The following DGKI variants were observed in gnomAD, a reference collection of about 807,000 sequenced individuals.
The protein encoded by DGKI is diacylglycerol kinase iota, also known as DAG kinase iota.
DGKI carries 55 observed loss-of-function variants against 147.5 expected under a neutral mutation model. The ratio of observed to expected loss-of-function variants is 0.37; its 90% CI spans 0.30 to 0.47. The LOEUF is 0.47. DGKI is among the 20% of genes least tolerant of loss of function. The probability of loss-of-function intolerance (pLI) is 1.00; values close to 1 mark genes in which losing one functional copy is unlikely to be tolerated. For missense variants in DGKI, 1,007 were observed against 1,323.8 expected (o/e 0.76, Z 3.71); for synonymous variants, 469 against 477.1 (o/e 0.98, Z 0.22).
intron 1 of DGKI, among the ~76,000 whole-genome samples, chr7:137,743,750 G>A (rs550972022): frequency 3.9e-5 from 6 of 152,180 alleles, no homozygotes; most frequent in Admixed American, 2.0e-4. Flanking sequence ...TTGGGAGGCC[G>A]AGGCAGGTGG....
chr7:137,482,322 T>C (rs1815399695), intron 23 of DGKI, among the ~76,000 whole-genome samples: 1 of 151,796 alleles, frequency 6.6e-6, no homozygotes, highest in Non-Finnish European at 1.5e-5. Flanking sequence ...CCATGATTCT[T>C]CTTGACCAGT....
chr7:137,683,821 G>A (rs577726507), intron 2 of DGKI, among the ~76,000 whole-genome samples: 39 of 144,030 alleles, frequency 2.7e-4, no homozygotes, highest in South Asian at 1.7e-3. Flanking sequence ...GATTTACATC[G>A]ATAGATCTAT....
intron 20 of DGKI, among the ~76,000 whole-genome samples, chr7:137,548,541 A>G (rs1328826342): frequency 6.6e-6 from 1 of 152,108 alleles, no homozygotes; most frequent in East Asian, 1.9e-4. Context: ...ACCATATGAT[A>G]TGCCAGCTCC....
At chr7:137,700,711 C>G (rs1823947525) in intron 1 of DGKI, among the ~76,000 whole-genome samples, 1 of 152,004 alleles carries the variant, frequency 6.6e-6, no homozygotes, top group Admixed American at 6.6e-5. Context: ...AACCTCTTCT[C>G]TACTAAAAAT....
At chr7:137,765,097 C>T (rs560175859) in intron 1 of DGKI, among the ~76,000 whole-genome samples, 5 of 152,302 alleles carry the variant, frequency 3.3e-5, no homozygotes, top group African/African-American at 4.8e-5. Context: ...AAACATGAGG[C>T]GCCAGGTGCA....
At chr7:137,460,545 A>G (rs563231027) in intron 27 of DGKI, among the ~76,000 whole-genome samples, 2 of 152,332 alleles carry the variant, frequency 1.3e-5, no homozygotes, top group East Asian at 3.9e-4. Context: ...GCTTGGGACC[A>G]GAAGTGCCTC....
intron 1 of DGKI, among the ~76,000 whole-genome samples, chr7:137,809,764 C>T (rs867054838): frequency 1.3e-5 from 2 of 152,040 alleles, no homozygotes; most frequent in South Asian, 4.1e-4. Context: ...ATTAGCCAGG[C>T]ATGAGGATGT....
intron 27 of DGKI, 38 bp from the exon 28 acceptor site, chr7:137,444,140 G>A: frequency 8.5e-7 from 1 of 1,179,342 alleles, no homozygotes; most frequent in Non-Finnish European, 1.2e-6. Flanking sequence ...TATTTTATAT[G>A]ATAATTATAA....
At chr7:137,525,458 G>C (rs773725406) in intron 20 of DGKI, among the ~76,000 whole-genome samples, 1 of 152,090 alleles carries the variant, frequency 6.6e-6, no homozygotes, top group African/African-American at 2.4e-5. Flanking sequence ...AAACCTTCTC[G>C]AATCATTTGC....
intron 26 of DGKI, among the ~76,000 whole-genome samples, chr7:137,464,765 G>A (rs557811903): frequency 4.6e-5 from 7 of 152,338 alleles, no homozygotes; most frequent in African/African-American, 1.7e-4. Flanking sequence ...GGGAAAACAG[G>A]AATGAAGATG....
chr7:137,573,133 G>A (rs375745864), intron 17 of DGKI, among the ~76,000 whole-genome samples: 1 of 152,106 alleles, frequency 6.6e-6, no homozygotes, highest in Admixed American at 6.5e-5. Flanking sequence ...CTTAACAATG[G>A]ATGATTATTA....
intron 3 of DGKI, among the ~76,000 whole-genome samples, chr7:137,658,254 A>G (rs1172662679): frequency 6.6e-6 from 1 of 152,178 alleles, no homozygotes; most frequent in East Asian, 1.9e-4. Context: ...CAAAAGGACA[A>G]TCAAAAAATT....
chr7:137,558,263 G>T (rs1818292496), intron 19 of DGKI, among the ~76,000 whole-genome samples: 1 of 151,644 alleles, frequency 6.6e-6, no homozygotes, highest in Non-Finnish European at 1.5e-5. Flanking sequence ...TAGGCACTGG[G>T]TTTTTTTTAT....
intron 1 of DGKI, among the ~76,000 whole-genome samples, chr7:137,744,789 A>T (rs1547995): frequency 0.27 from 40,951 of 152,168 alleles, 5,690 homozygotes; most frequent in Middle Eastern, 0.36. Flanking sequence ...TTAAAAACAA[A>T]ACCATGTGAT....
intron 23 of DGKI, among the ~76,000 whole-genome samples, chr7:137,476,980 TCAAACAAAAGC>T (rs1315134372): frequency 3.3e-5 from 5 of 152,140 alleles, no homozygotes; most frequent in African/African-American, 1.2e-4. Flanking sequence ...TAGACTCAGC[TCAAACAAAAGC>T]AGGAAGAAAG....
chr7:137,789,449 CT>C (rs1481697419), intron 1 of DGKI, among the ~76,000 whole-genome samples: 2 of 152,192 alleles, frequency 1.3e-5, no homozygotes, highest in Non-Finnish European at 2.9e-5. Context: ...AGCCCTTCCC[CT>C]AATATAAGAT....
At chr7:137,804,021 GAGTA>G (rs1463148953) in intron 1 of DGKI, among the ~76,000 whole-genome samples, 2 of 152,214 alleles carry the variant, frequency 1.3e-5, no homozygotes, top group African/African-American at 4.8e-5. Context: ...TCCTTTGTGA[GAGTA>G]AGTGACAACC....
intron 27 of DGKI, among the ~76,000 whole-genome samples, chr7:137,449,287 G>A (rs1161147219): frequency 6.6e-6 from 1 of 152,074 alleles, no homozygotes; most frequent in Non-Finnish European, 1.5e-5. Flanking sequence ...CATAAAAACA[G>A]ACAAATAGAA....
chr7:137,683,844 G>A (rs1197217494), intron 2 of DGKI, among the ~76,000 whole-genome samples: 2 of 151,240 alleles, frequency 1.3e-5, no homozygotes, highest in African/African-American at 2.4e-5. Context: ...ATCTAAGAGT[G>A]GAGATTCACC....
Sources: gnomAD v4.1 joint callset for allele counts (sites outside exome capture counted in the v4.1 genomes callset) on GRCh38, gnomAD v4.1.1 for gene constraint, MANE v1.5 for transcripts, NCBI Gene and HGNC (gene_info 2026-07-23, HGNC 2026-07-21) for gene names.